GABRG3: variants seen among roughly 807,000 people sequenced by gnomAD.
GABRG3 encodes the protein gamma-aminobutyric acid receptor subunit gamma-3.
Under a neutral mutation model 48.8 loss-of-function variants are expected in GABRG3, and 25 were observed. That is an observed-to-expected ratio of 0.51 (90% CI 0.37 to 0.72). GABRG3 has a LOEUF of 0.72. GABRG3 is among the 30% of genes least tolerant of loss of function. The pLI, the probability that GABRG3 is intolerant of heterozygous loss-of-function variation, is 0.00. For synonymous variants in GABRG3, 227 were observed against 217.6 expected (o/e 1.04, Z -0.38); for missense variants, 394 against 577.9 (o/e 0.68, Z 3.26).
At chr15:27,116,861 A>G (rs372017968) in intron 3 of GABRG3, among the ~76,000 whole-genome samples, 23 of 152,328 alleles carry the variant, frequency 1.5e-4, no homozygotes, top group African/African-American at 5.3e-4. Flanking sequence ...AAGAGATACC[A>G]TCTTGGAAGC....
intron 3 of GABRG3, among the ~76,000 whole-genome samples, chr15:27,251,812 G>A (rs11630973): frequency 0.45 from 69,020 of 152,000 alleles, 16,216 homozygotes; most frequent in Non-Finnish European, 0.5. Context: ...GGAAAACAAA[G>A]CCAGGACAGA....
At chr15:27,384,939 T>C (rs1352117296) in intron 5 of GABRG3, among the ~76,000 whole-genome samples, 2 of 152,224 alleles carry the variant, frequency 1.3e-5, no homozygotes, top group African/African-American at 4.8e-5. Flanking sequence ...TATAGTACAA[T>C]GCACATATCT....
chr15:27,431,415 GTT>G (rs903151715), intron 5 of GABRG3, among the ~76,000 whole-genome samples: 2 of 151,774 alleles, frequency 1.3e-5, no homozygotes, highest in African/African-American at 4.8e-5. Flanking sequence ...TATTCTAATC[GTT>G]TTTTTGTGGA....
At chr15:27,114,211 TGG>T (rs1194014905) in intron 3 of GABRG3, among the ~76,000 whole-genome samples, 1 of 152,244 alleles carries the variant, frequency 6.6e-6, no homozygotes, top group Non-Finnish European at 1.5e-5. Flanking sequence ...CAAAGGTCCC[TGG>T]TTTCCTTTTC....
At chr15:27,393,990 T>C (rs1456438685) in intron 5 of GABRG3, among the ~76,000 whole-genome samples, 1 of 152,220 alleles carries the variant, frequency 6.6e-6, no homozygotes, top group Non-Finnish European at 1.5e-5. Flanking sequence ...CTAAAGTGAA[T>C]CTCTTATAGA....
At chr15:27,047,206 G>A (rs1267249063) in intron 3 of GABRG3, among the ~76,000 whole-genome samples, 1 of 152,162 alleles carries the variant, frequency 6.6e-6, no homozygotes, top group Non-Finnish European at 1.5e-5. Flanking sequence ...CATATTCCCC[G>A]AGACTTCCCA....
At chr15:27,429,658 G>A (rs187442012) in intron 5 of GABRG3, among the ~76,000 whole-genome samples, 6 of 152,142 alleles carry the variant, frequency 3.9e-5, no homozygotes, top group East Asian at 1.9e-4. Context: ...CTAAATGGAC[G>A]ATGTGATATA....
intron 2 of GABRG3, among the ~76,000 whole-genome samples, chr15:27,012,133 TGAA>T (rs897027491): frequency 6.6e-6 from 1 of 152,226 alleles, no homozygotes; most frequent in Non-Finnish European, 1.5e-5. Flanking sequence ...TTTTTCTGTG[TGAA>T]GATGTTTATT....
rs143286794 is a variant in GABRG3, at chr15:27,112,127, C to T, written c.270+85306C>T. 2.9e-4 allele frequency among the ~76,000 whole-genome samples: 44 copies of T among 152,212 alleles called. No homozygotes were observed. The East Asian group carries it at 6.6e-3, about 23-fold the overall frequency. ...AAGCTAGTCCACACTCAGCCTCCAG[C>T]AAGTCATCATTTCAATTCCCATCAT... On this transcript the variant is annotated intron_variant, in intron 3 of 9. Coordinates refer to ENST00000615808, the MANE Select transcript of GABRG3 (RefSeq NM_033223.5).
chr15:27,418,402 T>C (rs1888007384), intron 5 of GABRG3, among the ~76,000 whole-genome samples: 1 of 152,198 alleles, frequency 6.6e-6, no homozygotes, highest in African/African-American at 2.4e-5. Context: ...GACTCTTCCT[T>C]GACCCCTTTG....
At chr15:27,346,122 GA>G (rs1436394559) in intron 5 of GABRG3, among the ~76,000 whole-genome samples, 3 of 146,434 alleles carry the variant, frequency 2.0e-5, no homozygotes, top group African/African-American at 7.5e-5. Flanking sequence ...AGGAAAGAAA[GA>G]GAAAGAAAGA....
intron 5 of GABRG3, among the ~76,000 whole-genome samples, chr15:27,408,525 C>A (rs1215513314): frequency 6.6e-6 from 1 of 152,106 alleles, no homozygotes; most frequent in African/African-American, 2.4e-5. Context: ...ATCCTATTAT[C>A]ATGAAGAAAT....
chr15:27,012,238 T>C (rs2140667667), intron 2 of GABRG3, among the ~76,000 whole-genome samples: 1 of 152,302 alleles, frequency 6.6e-6, no homozygotes, highest in African/African-American at 2.4e-5. Flanking sequence ...CACACAATTG[T>C]TTTTTGATTT....
chr15:27,245,698 C>T (rs759243738), intron 3 of GABRG3, among the ~76,000 whole-genome samples: 3 of 151,586 alleles, frequency 2.0e-5, no homozygotes, highest in Non-Finnish European at 4.4e-5. Context: ...ATGGTGAAAC[C>T]CTGTCTCTAC....
intron 5 of GABRG3, among the ~76,000 whole-genome samples, chr15:27,385,148 T>A (rs12915868): frequency 0.4 from 60,257 of 151,470 alleles, 12,216 homozygotes; most frequent in East Asian, 0.49. Context: ...ATTTAGCTAA[T>A]TCTTAAGATA....
chr15:27,197,946 G>A (rs1595580241), intron 3 of GABRG3, among the ~76,000 whole-genome samples: 1 of 152,126 alleles, frequency 6.6e-6, no homozygotes, highest in Non-Finnish European at 1.5e-5. Context: ...TGTGGGATTA[G>A]TAGTGATATC....
chr15:27,230,063 G>A (rs1258461897), intron 3 of GABRG3, among the ~76,000 whole-genome samples: 1 of 152,018 alleles, frequency 6.6e-6, no homozygotes, highest in Non-Finnish European at 1.5e-5. Flanking sequence ...TGTCTTCTCT[G>A]ATTTCTTTAA....
intron 5 of GABRG3, among the ~76,000 whole-genome samples, chr15:27,441,592 A>AT (rs1888786008): frequency 1.3e-5 from 2 of 152,154 alleles, no homozygotes; most frequent in Non-Finnish European, 2.9e-5. Flanking sequence ...ACCCATCTTC[A>AT]TTCGCTCTGA....
chr15:27,234,402 C>T (rs890013129), intron 3 of GABRG3, among the ~76,000 whole-genome samples: 1 of 152,144 alleles, frequency 6.6e-6, no homozygotes, highest in Non-Finnish European at 1.5e-5. Flanking sequence ...GTCTCTGGGC[C>T]TCCGTCTTCT....
Sources: allele counts gnomAD v4.1 joint callset (sites outside exome capture counted in the v4.1 genomes callset), GRCh38; gene constraint gnomAD v4.1.1; transcripts MANE v1.5; gene names NCBI Gene and HGNC (gene_info 2026-07-23, HGNC 2026-07-21).